HDDC2: variants seen among roughly 807,000 people sequenced by gnomAD.
The protein encoded by HDDC2 is HD domain containing 2, also known as 5'-deoxynucleotidase HDDC2.
In HDDC2, 25 loss-of-function variants were observed where a neutral mutation model predicts 25.5. The observed-to-expected ratio is 0.98, with a 90% CI of 0.72 to 1.37. The LOEUF (loss-of-function observed/expected upper bound fraction) is 1.37, where lower values mean the gene tolerates loss of function less well. Ranked by LOEUF, HDDC2 falls within the 40% of genes most tolerant of loss-of-function variation. The pLI is 0.00. For missense variants in HDDC2, 264 were observed against 253.1 expected (o/e 1.04, Z -0.29); for synonymous variants, 106 against 89.7 (o/e 1.18, Z -1.03).
Position 125,285,797 on chromosome 6 carries a change from C to T in HDDC2, c.378+7044G>A, listed in dbSNP as rs537166166. ...TTGGACACCCACGTAAAAAGAGTAT[C>T]TGGCATTTAAGGAAAATAAAATTAT... On this transcript the variant is annotated intron_variant, in intron 4 of 5. Coordinates refer to ENST00000398153, the MANE Select transcript of HDDC2 (RefSeq NM_016063.3). 5.3e-5 allele frequency among the ~76,000 whole-genome samples: 8 copies of T among 152,220 alleles called. No homozygotes were observed. In the South Asian group the frequency reaches 1.7e-3, roughly 32 times the overall value.
intron 4 of HDDC2, among the ~76,000 whole-genome samples, chr6:125,279,777 A>G (rs922505127): frequency 2.0e-5 from 3 of 152,240 alleles, no homozygotes; most frequent in Admixed American, 1.3e-4. Flanking sequence ...CAGATCCTAT[A>G]CAGCTATCCC....
chr6:125,293,248 C>A (rs1798657293), intron 3 of HDDC2: 3 of 374,556 alleles, frequency 8.0e-6, no homozygotes, highest in Non-Finnish European at 1.0e-5. Context: ...TCACAACATA[C>A]CCACATACAT....
chr6:125,290,602 T>C (rs1002420419), intron 4 of HDDC2, among the ~76,000 whole-genome samples: 3 of 152,182 alleles, frequency 2.0e-5, no homozygotes, highest in Admixed American at 6.5e-5. Flanking sequence ...CGGACCCTTA[T>C]TCAATAGAGA....
At chr6:125,298,578 C>T (rs895005535) in intron 3 of HDDC2, 136 bp downstream of exon 3, 1 of 662,952 alleles carries the variant, frequency 1.5e-6, no homozygotes, top group Non-Finnish European at 2.7e-6. Flanking sequence ...CTTCCCCTGA[C>T]CTTCCCCTTC....
At chr6:125,295,142 C>G (rs983056393) in intron 3 of HDDC2, among the ~76,000 whole-genome samples, 1 of 152,236 alleles carries the variant, frequency 6.6e-6, no homozygotes, top group African/African-American at 2.4e-5. Context: ...CCAGCCTTTC[C>G]CTTCCTGGCA....
At chr6:125,295,283 G>T (rs532731619) in intron 3 of HDDC2, among the ~76,000 whole-genome samples, 1 of 152,104 alleles carries the variant, frequency 6.6e-6, no homozygotes, top group Non-Finnish European at 1.5e-5. Context: ...CTAAAGTGCC[G>T]AGCTGAATGA....
At position 125,300,489 on chromosome 6, in the gene HDDC2, A is replaced by C. The variant is rs762788395; in HGVS notation, c.206+49T>G. On this transcript the variant is annotated intron_variant, in intron 2 of 5. Coordinates refer to ENST00000398153, the MANE Select transcript of HDDC2 (RefSeq NM_016063.3). Reference sequence around the variant, plus strand: ...GTCTCAGTAGTAAAAACGGGTGCACACCCATAGACCAGAATCTCTCACGAG... The same window carrying C: ...GTCTCAGTAGTAAAAACGGGTGCACCCCCATAGACCAGAATCTCTCACGAG... The C allele has an allele frequency of 3.2e-6, 5 of 1,585,504 alleles. No individual in the cohort carries two copies. In the South Asian group the frequency reaches 5.8e-5, roughly 18 times the overall value.
chr6:125,290,294 A>G (rs996067591), intron 4 of HDDC2, among the ~76,000 whole-genome samples: 3 of 152,170 alleles, frequency 2.0e-5, no homozygotes, highest in Admixed American at 1.3e-4. Flanking sequence ...CCCTATAATT[A>G]TTGCCATTTT....
At chr6:125,291,636 C>A (rs1384315989) in intron 4 of HDDC2, among the ~76,000 whole-genome samples, 4 of 152,106 alleles carry the variant, frequency 2.6e-5, no homozygotes, top group African/African-American at 9.7e-5. Context: ...AATTTCATAA[C>A]TGGGGATAAG....
intron 4 of HDDC2, among the ~76,000 whole-genome samples, chr6:125,288,208 CAG>C (rs1418026928): frequency 6.6e-6 from 1 of 152,106 alleles, no homozygotes; most frequent in East Asian, 1.9e-4. Context: ...GCTATAAAAT[CAG>C]GGGAGAAGTG....
intron 4 of HDDC2, among the ~76,000 whole-genome samples, chr6:125,284,612 A>C (rs1041564759): frequency 6.6e-6 from 1 of 152,234 alleles, no homozygotes; most frequent in Non-Finnish European, 1.5e-5. Flanking sequence ...AACCACAATG[A>C]GATACCATCT....
intron 4 of HDDC2, among the ~76,000 whole-genome samples, chr6:125,292,480 G>A (rs570178974): frequency 6.6e-6 from 1 of 152,224 alleles, no homozygotes; most frequent in East Asian, 1.9e-4. Context: ...AGGGAAACGT[G>A]CCGAGGTCAC....
intron 4 of HDDC2, among the ~76,000 whole-genome samples, chr6:125,286,640 G>A (rs1263792018): frequency 6.6e-6 from 1 of 152,100 alleles, no homozygotes; most frequent in East Asian, 1.9e-4. Context: ...TATGTGCAAT[G>A]ACCATCCATA....
intron 4 of HDDC2, among the ~76,000 whole-genome samples, chr6:125,285,270 A>AACCTGCACGTTCTGCAC (rs1798514184): frequency 6.6e-6 from 1 of 152,152 alleles, no homozygotes; most frequent in Non-Finnish European, 1.5e-5. Context: ...CTAGGTAACA[A>AACCTGCACGTTCTGCAC]ACCTGCACGT....
At chr6:125,280,130 G>A (rs1424307423) in intron 4 of HDDC2, among the ~76,000 whole-genome samples, 4 of 152,126 alleles carry the variant, frequency 2.6e-5, no homozygotes, top group Admixed American at 2.0e-4. Context: ...CCCAGGAAGC[G>A]CAAGGGGTTG....
intron 3 of HDDC2, chr6:125,293,117 C>T (rs1291759500): frequency 4.7e-6 from 3 of 639,512 alleles, no homozygotes; most frequent in Non-Finnish European, 8.5e-6. Context: ...TTCATATGGG[C>T]TTCGCTTAGC....
chr6:125,300,387 C>T (rs1798776923), intron 2 of HDDC2, 151 bp downstream of exon 2: 1 of 913,162 alleles, frequency 1.1e-6, no homozygotes, highest in Non-Finnish European at 1.6e-6. Context: ...GCAACATAAC[C>T]CACATCCTAA....
chr6:125,284,445 AG>A (rs926659210), intron 4 of HDDC2, among the ~76,000 whole-genome samples: 1 of 152,224 alleles, frequency 6.6e-6, no homozygotes, highest in African/African-American at 2.4e-5. Flanking sequence ...AGAATCTACC[AG>A]GAACTTTACC....
Position 125,276,215 on chromosome 6 carries a change from C to G in HDDC2, c.546G>C (p.Gln182His). The G allele has an allele frequency of 6.2e-7, 1 of 1,614,128 alleles. No homozygotes were observed. The change falls in exon 6 of 6, where the codon CAG becomes CAC. Residue 182 changes from glutamine (Q) to histidine (H), a missense_variant. Physicochemically the swap from Gln to His is conservative, Grantham distance 24 (BLOSUM62 0). Coordinates refer to ENST00000398153, the MANE Select transcript of HDDC2 (RefSeq NM_016063.3). ...TTTCTGCCTCAAGTTCAGAAACAAG[C>G]TGGACTATCTCAGGGTGATTGAATT... ...AGKFNHPEIV[Q>H]LVSELEAERS...
Sources: gnomAD v4.1 joint callset for allele counts (sites outside exome capture counted in the v4.1 genomes callset) on GRCh38, gnomAD v4.1.1 for gene constraint, MANE v1.5 for transcripts, NCBI Gene and HGNC (gene_info 2026-07-23, HGNC 2026-07-21) for gene names.